The following PRUNE2 variants were observed in gnomAD, a reference collection of about 807,000 sequenced individuals.
The protein encoded by PRUNE2 is protein prune homolog 2.
In PRUNE2, 164 loss-of-function variants were observed where a neutral mutation model predicts 252.0. The observed-to-expected ratio is 0.65, with a 90% CI of 0.57 to 0.74. The LOEUF is 0.74. Among genes scored for constraint, PRUNE2 ranks in the 30% least tolerant of loss-of-function variants. PRUNE2 has a pLI of 0.00. For synonymous variants in PRUNE2, 1,292 were observed against 1,350.2 expected (o/e 0.96, Z 0.94); for missense variants, 3,495 against 3,711.0 (o/e 0.94, Z 1.51).
At chr9:76,789,187 A>C (rs1480347309) in intron 6 of PRUNE2, among the ~76,000 whole-genome samples, 3 of 152,166 alleles carry the variant, frequency 2.0e-5, no homozygotes, top group Admixed American at 1.3e-4. Context: ...AAAATCAAGA[A>C]ACTTCACCTT....
At chr9:76,831,672 A>G (rs2058683980) in intron 4 of PRUNE2, among the ~76,000 whole-genome samples, 1 of 152,234 alleles carries the variant, frequency 6.6e-6, no homozygotes, top group African/African-American at 2.4e-5. Context: ...TATCAAAAAC[A>G]CTTATTTAGT....
At chr9:76,650,508 T>G (rs600302) in intron 11 of PRUNE2, among the ~76,000 whole-genome samples, 1 of 152,154 alleles carries the variant, frequency 6.6e-6, no homozygotes, top group Non-Finnish European at 1.5e-5. Context: ...ACTTCAGAAC[T>G]CAAACATATT....
At position 76,710,123 on chromosome 9, in the gene PRUNE2, C is replaced by T. The variant is rs759928517; in HGVS notation, c.2151G>A (p.Glu717=). The T allele has an allele frequency of 8.7e-6, 14 of 1,613,842 alleles. No homozygotes were observed. The highest frequency in any genetic ancestry group is 1.1e-5 in the Non-Finnish European group (13 of 1,179,896). Residue 717 remains glutamate (E), a synonymous_variant, in exon 8 of 19, where the codon GAG becomes GAA. Transcript: ENST00000376718. ...CCAGTTCAGGCTGACCAAATTCAGA[C>T]TCCCAGGGACCTGACTTTGTAAATT... The part of the protein sequence containing the change: ...SLEFTKSGPW[E]SEFGQPELGS...
chr9:76,611,724 C>A lies in PRUNE2; in HGVS notation c.*2846G>T, dbSNP rs1827501099. 1 of 152,570 alleles carries A rather than the reference C, an allele frequency of 6.6e-6. No individual in the cohort carries two copies. The highest frequency in any genetic ancestry group is 2.4e-5 in the African/African-American group (1 of 41,438). The allele number at this position is 152,570 out of a possible 1,614,324, so 9.5% of individuals were successfully genotyped here. On this transcript the variant is annotated 3_prime_UTR_variant, in exon 19 of 19. Transcript: ENST00000376718. ...CCTCAGAGAATGTCTTAGAGAGTAA[C>A]CCCATAGAACATTGTATGGCTTCAA...
At chr9:76,840,284 G>A (rs2059309000) in intron 4 of PRUNE2, among the ~76,000 whole-genome samples, 1 of 152,184 alleles carries the variant, frequency 6.6e-6, no homozygotes, top group Non-Finnish European at 1.5e-5. Flanking sequence ...CACATTGAAA[G>A]TGACCTTTTT....
At chr9:76,658,269 A>T (rs1473288045) in intron 9 of PRUNE2, among the ~76,000 whole-genome samples, 1 of 152,110 alleles carries the variant, frequency 6.6e-6, no homozygotes, top group African/African-American at 2.4e-5. Flanking sequence ...GAGGCAGGAG[A>T]ATTGCTTAAA....
At chr9:76,616,011 G>C (rs975335459) in intron 18 of PRUNE2, among the ~76,000 whole-genome samples, 1 of 151,878 alleles carries the variant, frequency 6.6e-6, no homozygotes, top group Non-Finnish European at 1.5e-5. Context: ...CTCGTGATCC[G>C]CCCACTTCAG....
intron 11 of PRUNE2, 37 bp from the exon 12 acceptor site, chr9:76,644,946 C>A: frequency 6.3e-7 from 1 of 1,589,858 alleles, no homozygotes; most frequent in Non-Finnish European, 8.6e-7. Flanking sequence ...GCTGAAGGAG[C>A]AAGACCTCCA....
At chr9:76,763,590 C>T (rs1438771685) in intron 6 of PRUNE2, among the ~76,000 whole-genome samples, 2 of 152,126 alleles carry the variant, frequency 1.3e-5, no homozygotes, top group Non-Finnish European at 1.5e-5. Flanking sequence ...TCATATCCCC[C>T]GTCCCCAAGA....
chr9:76,841,789 C>A (rs957998255), intron 4 of PRUNE2, among the ~76,000 whole-genome samples: 1 of 152,182 alleles, frequency 6.6e-6, no homozygotes, highest in African/African-American at 2.4e-5. Context: ...AGAAAGGCAG[C>A]AACCCCAGTC....
intron 6 of PRUNE2, among the ~76,000 whole-genome samples, chr9:76,816,340 A>G (rs753965027): frequency 3.3e-5 from 5 of 152,156 alleles, no homozygotes; most frequent in Non-Finnish European, 7.3e-5. Context: ...TGCTGCTGAT[A>G]TGATAAACCA....
At chr9:76,751,173 T>C (rs1395628951) in intron 6 of PRUNE2, among the ~76,000 whole-genome samples, 3 of 152,200 alleles carry the variant, frequency 2.0e-5, no homozygotes, top group Admixed American at 6.5e-5. Context: ...CTAAGCAGTC[T>C]GGATGTAAAC....
In PRUNE2 at chr9:76,741,093, T is replaced by C. The variant is rs372645498; in HGVS notation, c.757-27372A>G. Among the ~76,000 whole-genome samples, 40 of 152,292 alleles carry C rather than the reference T, an allele frequency of 2.6e-4. 1 individual carries two copies. The South Asian group carries it at 8.1e-3, about 31-fold the overall frequency. On this transcript the variant is annotated intron_variant, in intron 6 of 18. Transcript: ENST00000376718. ...TATGTGTAGGAACCCAAAAATTCCA[T>C]TAAGTATAATACATTTGCTAATCAT... is the stretch of plus-strand genomic sequence containing the variant.
At chr9:76,641,741 C>T (rs867709304) in intron 12 of PRUNE2, among the ~76,000 whole-genome samples, 1 of 151,796 alleles carries the variant, frequency 6.6e-6, no homozygotes, top group Non-Finnish European at 1.5e-5. Context: ...TGAGCAACCC[C>T]CCCCCAGGAG....
chr9:76,632,196 T>G (rs938743336), intron 15 of PRUNE2, among the ~76,000 whole-genome samples: 14 of 152,238 alleles, frequency 9.2e-5, no homozygotes, highest in African/African-American at 3.4e-4. Flanking sequence ...GGTACTTCTG[T>G]TTTAAGTTCT....
chr9:76,739,518 G>C (rs2049379681), intron 6 of PRUNE2: 1 of 151,928 alleles, frequency 6.6e-6, no homozygotes, highest in South Asian at 2.1e-4. Flanking sequence ...CTGGAACCAG[G>C]GATATAGTTT....
At chr9:76,779,219 T>C (rs2054114525) in intron 6 of PRUNE2, among the ~76,000 whole-genome samples, 1 of 147,844 alleles carries the variant, frequency 6.8e-6, no homozygotes, top group South Asian at 2.1e-4. Flanking sequence ...ATGGACAAAG[T>C]GAAAAACTTA....
chr9:76,732,290 G>C (rs549353910), intron 6 of PRUNE2, among the ~76,000 whole-genome samples: 127 of 152,310 alleles, frequency 8.3e-4, no homozygotes, highest in African/African-American at 3.0e-3. Context: ...CTGGGGGGCA[G>C]AGCGAGACTC....
At position 76,894,716 on chromosome 9, in the gene PRUNE2, G is replaced by GAAAAAAAAAAAA. The variant is rs1170899729; in HGVS notation, c.36+11211_36+11212insTTTTTTTTTTTT. ...TGCACCCTTTCATTAATTTTCTGCAGCAAAAAAAAAAAAAAAGGACCAGCC... is the reference window on the plus strand; with the variant it reads ...TGCACCCTTTCATTAATTTTCTGCAGAAAAAAAAAAAACAAAAAAAAAAAAAAAGGACCAGCC... On this transcript the variant is annotated intron_variant, in intron 1 of 18. Transcript: ENST00000376718. Among the ~76,000 whole-genome samples the GAAAAAAAAAAAA allele has an allele frequency of 4.0e-4, 44 of 110,682 alleles. 1 individual carries two copies. Among genetic ancestry groups the GAAAAAAAAAAAA allele is most frequent in the South Asian group, 1.2e-3 (5 of 4,164 alleles). 72.6% of individuals were successfully genotyped at this position (110,682 alleles called of 152,430 possible).
Sources: allele counts gnomAD v4.1 joint callset (sites outside exome capture counted in the v4.1 genomes callset), GRCh38; gene constraint gnomAD v4.1.1; transcripts MANE v1.5; gene names NCBI Gene and HGNC (gene_info 2026-07-23, HGNC 2026-07-21).